PLSCR1: variants seen among roughly 807,000 people sequenced by gnomAD.
PLSCR1 encodes PL scramblase 1.
PLSCR1 carries 17 observed loss-of-function variants against 37.8 expected under a neutral mutation model. That is an observed-to-expected ratio of 0.45 (90% CI 0.31 to 0.68). PLSCR1 has a LOEUF of 0.68. Among genes scored for constraint, PLSCR1 ranks in the 30% least tolerant of loss-of-function variants. PLSCR1 has a pLI of 0.06. For synonymous variants in PLSCR1, 116 were observed against 125.9 expected (o/e 0.92, Z 0.53); for missense variants, 347 against 380.9 (o/e 0.91, Z 0.74).
chr3:146,533,542 T>A lies in PLSCR1; in HGVS notation c.22A>T (p.Met8Leu). The change falls in exon 3 of 9, where the codon ATG becomes TTG. Residue 8 changes from methionine to leucine, a missense_variant. Transcript: ENST00000342435. The stretch of plus-strand genomic sequence containing the variant: ...TTTGTTTCCGGGTGAGAAGCATTCA[T>A]CTGTGAGTCTGCAATTCAAGGAGAG... MDKQNSQ[M>L]NASHPETNLP... 1 of 1,598,358 alleles carries A rather than the reference T, an allele frequency of 6.3e-7. No homozygotes were observed. Among genetic ancestry groups the A allele is most frequent in the Non-Finnish European group, 8.6e-7 (1 of 1,167,640 alleles).
intron 2 of PLSCR1, among the ~76,000 whole-genome samples, chr3:146,535,345 C>T (rs1183464610): frequency 1.3e-5 from 2 of 152,070 alleles, no homozygotes; most frequent in Non-Finnish European, 2.9e-5. Flanking sequence ...ATTCTGATTT[C>T]AGGCATTCCA....
intron 7 of PLSCR1, among the ~76,000 whole-genome samples, chr3:146,519,560 A>G (rs2043991096): frequency 6.6e-6 from 1 of 152,080 alleles, no homozygotes; most frequent in African/African-American, 2.4e-5. Flanking sequence ...CCATTAAGAT[A>G]ACCTTCTTAG....
intron 5 of PLSCR1, among the ~76,000 whole-genome samples, chr3:146,524,367 A>T (rs2044075182): frequency 6.6e-6 from 1 of 152,216 alleles, no homozygotes; most frequent in East Asian, 1.9e-4. Context: ...AAACCTGAGT[A>T]ATCTTCATCT....
intron 4 of PLSCR1, among the ~76,000 whole-genome samples, chr3:146,526,639 T>C (rs1377029154): frequency 1.3e-5 from 2 of 152,104 alleles, no homozygotes; most frequent in Non-Finnish European, 2.9e-5. Context: ...TAAGTATTCA[T>C]CAATAGATAA....
At chr3:146,531,792 G>T (rs1280742276) in intron 3 of PLSCR1, among the ~76,000 whole-genome samples, 1 of 152,090 alleles carries the variant, frequency 6.6e-6, no homozygotes, top group Non-Finnish European at 1.5e-5. Context: ...TTGAGGTACT[G>T]CAACTTGTTT....
chr3:146,530,892 A>G (rs2044188949), intron 3 of PLSCR1, among the ~76,000 whole-genome samples: 1 of 152,218 alleles, frequency 6.6e-6, no homozygotes, highest in Admixed American at 6.5e-5. Context: ...TCAGGAGTGG[A>G]AAAGCATTAG....
chr3:146,532,272 T>C (rs1265834051), intron 3 of PLSCR1, among the ~76,000 whole-genome samples: 1 of 152,202 alleles, frequency 6.6e-6, no homozygotes, highest in Non-Finnish European at 1.5e-5. Flanking sequence ...ATGAATATTA[T>C]AGACTTACTA....
intron 1 of PLSCR1, among the ~76,000 whole-genome samples, chr3:146,538,677 A>T (rs748521759): frequency 5.3e-5 from 8 of 152,170 alleles, no homozygotes; most frequent in Non-Finnish European, 1.0e-4. Flanking sequence ...ATCCTAAATA[A>T]AATGTAAGAG....
chr3:146,543,739 T>C (rs542230983), intron 1 of PLSCR1, among the ~76,000 whole-genome samples: 2 of 152,348 alleles, frequency 1.3e-5, no homozygotes, highest in African/African-American at 2.4e-5. Flanking sequence ...GGCACTGCTC[T>C]AAGAATTTTA....
chr3:146,525,065 G>GC (rs1196609514), intron 5 of PLSCR1, among the ~76,000 whole-genome samples: 1 of 152,212 alleles, frequency 6.6e-6, no homozygotes, highest in African/African-American at 2.4e-5. Flanking sequence ...TTCAGCAGGA[G>GC]CAGGAGTGCT....
At chr3:146,518,850 G>C (rs888985751) in intron 7 of PLSCR1, among the ~76,000 whole-genome samples, 1 of 152,090 alleles carries the variant, frequency 6.6e-6, no homozygotes, top group African/African-American at 2.4e-5. Context: ...TCAACATTTG[G>C]AAATAATAAA....
In PLSCR1 at chr3:146,522,049, TAAAAC is replaced by T. The variant is rs753559321; in HGVS notation, c.356-1_359del. 1 of 1,537,238 alleles carries T rather than the reference TAAAAC, an allele frequency of 6.5e-7. No homozygotes were observed. The highest frequency in any genetic ancestry group is 9.0e-7 in the Non-Finnish European group (1 of 1,109,896). ...ATTTGTTATTAGTTTCAAAACCTGT[TAAAAC>T]TAAAAACATAAAAGACGAAATCATA... On this transcript the variant is annotated splice_acceptor_variant and coding_sequence_variant, in exon 6 of 9. Coordinates refer to ENST00000342435, the MANE Select transcript of PLSCR1 (RefSeq NM_021105.3). LOFTEE classifies it high-confidence loss of function.
At chr3:146,536,644 A>G in intron 1 of PLSCR1, 79 bp from the exon 2 acceptor site, 1 of 818,772 alleles carries the variant, frequency 1.2e-6, no homozygotes, top group South Asian at 1.4e-5. Context: ...GGATACTCTA[A>G]AACTACACAG....
Position 146,516,102 on chromosome 3 carries a change from C to G in PLSCR1, c.901-1G>C. 1 of 1,599,904 alleles carries G rather than the reference C, an allele frequency of 6.3e-7. No homozygotes were observed. Among genetic ancestry groups the G allele is most frequent in the Non-Finnish European group, 8.6e-7 (1 of 1,169,328 alleles). Reference sequence around the variant, plus strand: ...CAGTGCTTTCAAAAAACATGAAGTCCTAGATAAAAACAAAAGTATACAAAT... The same window carrying G: ...CAGTGCTTTCAAAAAACATGAAGTCGTAGATAAAAACAAAAGTATACAAAT... On this transcript the variant is annotated splice_acceptor_variant, in intron 8 of 8. Coordinates refer to ENST00000342435, the MANE Select transcript of PLSCR1 (RefSeq NM_021105.3). LOFTEE classifies it high-confidence loss of function.
intron 1 of PLSCR1, among the ~76,000 whole-genome samples, chr3:146,543,819 AAGAAG>A (rs2044368655): frequency 6.6e-6 from 1 of 152,192 alleles, no homozygotes; most frequent in Non-Finnish European, 1.5e-5. Flanking sequence ...GAACATATAT[AAGAAG>A]AAAGTGGCTG....
At chr3:146,541,242 A>AT (rs1560092538) in intron 1 of PLSCR1, 1 of 152,232 alleles carries the variant, frequency 6.6e-6, no homozygotes, top group Non-Finnish European at 1.5e-5. Flanking sequence ...AGCATTTTAT[A>AT]TTAAACCTTG....
intron 7 of PLSCR1, among the ~76,000 whole-genome samples, chr3:146,518,824 T>C (rs1388937415): frequency 6.6e-6 from 1 of 152,050 alleles, no homozygotes; most frequent in African/African-American, 2.4e-5. Context: ...GAATAGAAAA[T>C]CACTATAATA....
intron 3 of PLSCR1, among the ~76,000 whole-genome samples, chr3:146,529,806 C>T (rs1469923997): frequency 6.6e-6 from 1 of 152,158 alleles, no homozygotes; most frequent in African/African-American, 2.4e-5. Flanking sequence ...AGCCACCGCG[C>T]CCATTCGTTT....
rs1033905326 is a variant in PLSCR1, at chr3:146,528,855, A to T, written c.95-24T>A. On this transcript the variant is annotated intron_variant, in intron 3 of 8. Transcript: ENST00000342435. ...TCCTGAAATACAAACAAGTGAAATG[A>T]TTTGTAACTGCACCAAAAATGGAAT... 5 of 1,547,466 alleles carry T rather than the reference A, an allele frequency of 3.2e-6. No homozygotes were observed. The South Asian group carries it at 5.7e-5, about 18-fold the overall frequency.
Sources: gnomAD v4.1 joint callset for allele counts (sites outside exome capture counted in the v4.1 genomes callset) on GRCh38, gnomAD v4.1.1 for gene constraint, MANE v1.5 for transcripts, NCBI Gene and HGNC (gene_info 2026-07-23, HGNC 2026-07-21) for gene names.